The following SLC13A4 variants were observed in gnomAD, a reference collection of about 807,000 sequenced individuals.
The protein encoded by SLC13A4 is Na(+)/sulfate cotransporter SUT-1.
In SLC13A4, 28 loss-of-function variants were observed where a neutral mutation model predicts 72.7. The ratio of observed to expected loss-of-function variants is 0.39; its 90% confidence interval spans 0.29 to 0.53. The LOEUF (loss-of-function observed/expected upper bound fraction) is 0.53, where lower values mean the gene tolerates loss of function less well. Among genes scored for constraint, SLC13A4 ranks in the 20% least tolerant of loss-of-function variants. The pLI, the probability that SLC13A4 is intolerant of heterozygous loss-of-function variation, is 0.78. For synonymous variants in SLC13A4, 312 were observed against 325.5 expected (o/e 0.96, Z 0.45); for missense variants, 653 against 788.0 (o/e 0.83, Z 2.05).
At chr7:135,715,114 A>T (rs1462041629) in intron 2 of SLC13A4, among the ~76,000 whole-genome samples, 5 of 148,540 alleles carry the variant, frequency 3.4e-5, no homozygotes, top group East Asian at 4.0e-4. Flanking sequence ...AGCGTGTATG[A>T]GTTTATGTGT....
chr7:135,706,012 G>T, intron 4 of SLC13A4, 116 bp downstream of exon 4: 1 of 969,354 alleles, frequency 1.0e-6, no homozygotes, highest in Non-Finnish European at 1.5e-6. Flanking sequence ...TGGGGGCATG[G>T]CTGAGGGGGT....
chr7:135,724,960 A>G lies in SLC13A4; in HGVS notation c.99+2438T>C, dbSNP rs190279901. 8.6e-4 allele frequency among the ~76,000 whole-genome samples: 131 copies of G among 152,316 alleles called. 3 individuals carry two copies. The highest frequency in any genetic ancestry group is 7.3e-3 in the Admixed American group (111 of 15,304). On this transcript the variant is annotated intron_variant, in intron 1 of 15. Transcript: ENST00000682651. ...TATCCCATGTCTAGCAGGTGGTTCA[A>G]TTCACGTGGGCTGAACTGCACTGGA...
intron 1 of SLC13A4, among the ~76,000 whole-genome samples, chr7:135,725,739 C>T (rs557769122): frequency 2.0e-4 from 30 of 152,268 alleles, no homozygotes; most frequent in African/African-American, 6.7e-4. Flanking sequence ...GGGAGGATCA[C>T]GTCAGACCAT....
chr7:135,690,353 C>T (rs1372147713), intron 13 of SLC13A4, among the ~76,000 whole-genome samples: 1 of 152,038 alleles, frequency 6.6e-6, no homozygotes, highest in African/African-American at 2.4e-5. Context: ...CTCACATCCC[C>T]ACCCCACTTA....
intron 2 of SLC13A4, among the ~76,000 whole-genome samples, chr7:135,716,050 C>A (rs1449436295): frequency 6.6e-6 from 1 of 152,172 alleles, no homozygotes; most frequent in African/African-American, 2.4e-5. Context: ...CAACTCATGT[C>A]AGAGTTTTCC....
intron 3 of SLC13A4, 79 bp from the exon 4 acceptor site, chr7:135,706,379 C>CCCAGCAGGT: frequency 6.9e-7 from 1 of 1,448,504 alleles, no homozygotes; most frequent in Non-Finnish European, 9.4e-7. Context: ...TCCTACCAAC[C>CCCAGCAGGT]TGCTGGGGCT....
Position 135,685,512 on chromosome 7 carries a change from C to T in SLC13A4, c.1608+10G>A. On this transcript the variant is annotated intron_variant, in intron 14 of 15. Coordinates refer to ENST00000682651, the MANE Select transcript of SLC13A4 (RefSeq NM_001318192.2). ...CCTGTCTGGATGTCTGGGAGCTCCG[C>T]ATTACTCACCAGGCTGCACAGGATG... 6.2e-7 allele frequency: 1 copy of T among 1,613,282 alleles called. No individual in the cohort carries two copies. Among genetic ancestry groups the T allele is most frequent in the Non-Finnish European group, 8.5e-7 (1 of 1,179,436 alleles).
rs1049986764 is a variant in SLC13A4 at position 135,691,544 on chromosome 7, T to C, written c.1321+4A>G. On this transcript the variant is annotated splice_donor_region_variant and intron_variant, in intron 12 of 15. Transcript: ENST00000682651. ...GCTACCCCCAGTTTCTTCCCTTCTC[T>C]CACCATCATTCTTTTTCCCAAAGCA... The C allele has an allele frequency of 1.9e-6, 3 of 1,608,104 alleles. No homozygotes were observed. The highest frequency in any genetic ancestry group is 2.6e-6 in the Non-Finnish European group (3 of 1,174,710).
chr7:135,684,103 G>A, intron 15 of SLC13A4, 21 bp downstream of exon 15: 1 of 1,581,040 alleles, frequency 6.3e-7, no homozygotes. Flanking sequence ...GGCCTGGCAG[G>A]GAGAGGGCAC....
In SLC13A4 at chr7:135,682,993, C is replaced by T. The variant is rs530455630; in HGVS notation, c.1746+1131G>A. Reference sequence around the variant, plus strand: ...TCACGGATGACTTAGATGAGCAGTTCGAACAGTCGAAAGGACCTGAATAGG... The same window carrying T: ...TCACGGATGACTTAGATGAGCAGTTTGAACAGTCGAAAGGACCTGAATAGG... On this transcript the variant is annotated intron_variant, in intron 15 of 15. Transcript: ENST00000682651. Among the ~76,000 whole-genome samples, 34 of 152,054 alleles carry T rather than the reference C, an allele frequency of 2.2e-4. No individual in the cohort carries two copies. The Middle Eastern group carries it at 0.01, about 46-fold the overall frequency.
At chr7:135,708,700 AATAC>A (rs1027477516) in intron 2 of SLC13A4, among the ~76,000 whole-genome samples, 9 of 152,228 alleles carry the variant, frequency 5.9e-5, no homozygotes, top group African/African-American at 2.2e-4. Flanking sequence ...TTAGAAAATT[AATAC>A]ATACTCAGTA....
Position 135,681,298 on chromosome 7 carries a change from T to TA in SLC13A4, c.*264dup. 1 of 360,694 alleles carries TA rather than the reference T, an allele frequency of 2.8e-6. No individual in the cohort carries two copies. Among genetic ancestry groups the TA allele is most frequent in the Admixed American group, 4.6e-5 (1 of 21,920 alleles). The allele number at this position is 360,694 out of a possible 1,614,324, so 22.3% of individuals were successfully genotyped here. On this transcript the variant is annotated 3_prime_UTR_variant, in exon 16 of 16. Transcript: ENST00000682651. ...TTTTCTTTTTCTTTTTCTGTGAGCC[T>TA]ATGGCTTGTATTGAAACTTTAGGTT...
chr7:135,696,847 T>G (rs750488404), intron 8 of SLC13A4, among the ~76,000 whole-genome samples: 2 of 152,254 alleles, frequency 1.3e-5, no homozygotes, highest in African/African-American at 4.8e-5. Context: ...ATCCTTACTT[T>G]GCATCATCAT....
chr7:135,688,162 G>C (rs1795683206), intron 13 of SLC13A4, among the ~76,000 whole-genome samples: 1 of 151,880 alleles, frequency 6.6e-6, no homozygotes, highest in Non-Finnish European at 1.5e-5. Flanking sequence ...TTTTAGTAGA[G>C]ACGAGGTTTC....
intron 1 of SLC13A4, among the ~76,000 whole-genome samples, chr7:135,726,888 A>G (rs894487694): frequency 2.0e-4 from 30 of 152,190 alleles, no homozygotes; most frequent in Non-Finnish European, 2.5e-4. Context: ...TAGAGCTTCA[A>G]CTGTGGTCAT....
At chr7:135,694,275 A>G (rs761423514) in intron 9 of SLC13A4, 37 bp from the exon 10 acceptor site, 2 of 1,300,626 alleles carry the variant, frequency 1.5e-6, no homozygotes, top group African/African-American at 2.9e-5. Flanking sequence ...TAAAGAAAAC[A>G]CACTTCTGAG....
chr7:135,714,807 G>A (rs1012579017), intron 2 of SLC13A4, among the ~76,000 whole-genome samples: 24 of 152,100 alleles, frequency 1.6e-4, no homozygotes, highest in Non-Finnish European at 2.6e-4. Context: ...AGCCGACTCC[G>A]GCGGCACCAG....
At chr7:135,708,883 A>C (rs1584733021) in intron 2 of SLC13A4, among the ~76,000 whole-genome samples, 1 of 127,454 alleles carries the variant, frequency 7.8e-6, no homozygotes, top group Non-Finnish European at 1.7e-5. Flanking sequence ...TCATATCCTC[A>C]TTATTGTTTT....
intron 2 of SLC13A4, among the ~76,000 whole-genome samples, chr7:135,713,489 G>A (rs1584736292): frequency 6.6e-6 from 1 of 152,124 alleles, no homozygotes; most frequent in East Asian, 1.9e-4. Flanking sequence ...CCACAGTGAT[G>A]CTACATAGCT....
Sources: allele counts gnomAD v4.1 joint callset (sites outside exome capture counted in the v4.1 genomes callset), GRCh38; gene constraint gnomAD v4.1.1; transcripts MANE v1.5; gene names NCBI Gene and HGNC (gene_info 2026-07-23, HGNC 2026-07-21).